Variants in GALNT10 observed in about 807,000 individuals in gnomAD.
GALNT10 encodes GalNAc transferase 10.
Under a neutral mutation model 75.0 loss-of-function variants are expected in GALNT10, and 41 were observed. The ratio of observed to expected loss-of-function variants is 0.55; its 90% CI spans 0.43 to 0.71. GALNT10 has a LOEUF of 0.71. Ranked by LOEUF, GALNT10 falls within the 30% of genes least tolerant of loss-of-function variation. The probability of loss-of-function intolerance (pLI) is 0.00; values close to 1 mark genes in which losing one functional copy is unlikely to be tolerated. For missense variants in GALNT10, 727 were observed against 818.5 expected, an observed-to-expected ratio of 0.89 and a Z score of 1.36; for synonymous variants, 302 against 313.0, an observed-to-expected ratio of 0.96 and a Z score of 0.37.
intron 3 of GALNT10, among the ~76,000 whole-genome samples, chr5:154,302,081 C>A (rs1035085242): frequency 6.6e-6 from 1 of 152,214 alleles, no homozygotes; most frequent in African/African-American, 2.4e-5. Flanking sequence ...ATCTTTCCTG[C>A]AGTTTGACAG....
At chr5:154,265,229 G>T (rs1381210707) in intron 1 of GALNT10, among the ~76,000 whole-genome samples, 2 of 152,116 alleles carry the variant, frequency 1.3e-5, no homozygotes, top group Non-Finnish European at 2.9e-5. Flanking sequence ...CAATCAGCAG[G>T]GTGTCATGCA....
intron 1 of GALNT10, among the ~76,000 whole-genome samples, chr5:154,266,129 T>C (rs1392761912): frequency 6.6e-6 from 1 of 152,204 alleles, no homozygotes; most frequent in African/African-American, 2.4e-5. Flanking sequence ...AGTAGGAAAC[T>C]GGAAGCAAGT....
At chr5:154,345,293 C>CT (rs58722431) in intron 4 of GALNT10, among the ~76,000 whole-genome samples, 1,872 of 152,252 alleles carry the variant, frequency 0.012, 32 homozygotes, top group African/African-American at 0.042. Flanking sequence ...CCATAGCTAC[C>CT]TTTTTTGTAG....
At chr5:154,194,947 A>G (rs1774912996) in intron 1 of GALNT10, among the ~76,000 whole-genome samples, 1 of 152,212 alleles carries the variant, frequency 6.6e-6, no homozygotes, top group South Asian at 2.1e-4. Flanking sequence ...GTGATAGTAT[A>G]TTTAAACAGG....
At chr5:154,293,611 A>ATTTTTTTTTTTTTTTT (rs912343114) in intron 1 of GALNT10, among the ~76,000 whole-genome samples, 2 of 96,704 alleles carry the variant, frequency 2.1e-5, no homozygotes, top group Non-Finnish European at 4.6e-5. Context: ...ATATATATAT[A>ATTTTTTTTTTTTTTTT]TATTTTTTTT....
At position 154,416,441 on chromosome 5, in the gene GALNT10, T is replaced by A. The variant is rs912943305; in HGVS notation, c.1654-373T>A. 9.3e-5 allele frequency among the ~76,000 whole-genome samples: 12 copies of A among 129,594 alleles called. No homozygotes were observed. The highest frequency in any genetic ancestry group is 4.6e-4 in the East Asian group (2 of 4,312). The allele number at this position is 129,594 out of a possible 152,430, so 85.0% of individuals were successfully genotyped here. Reference sequence around the variant, plus strand: ...GAGTGAGAACCTGTCTCAAAAAAATTAAAAAAATTAAAAAAATAAAAGATA... The same window carrying A: ...GAGTGAGAACCTGTCTCAAAAAAATAAAAAAAATTAAAAAAATAAAAGATA... On this transcript the variant is annotated intron_variant, in intron 11 of 11. Coordinates refer to ENST00000297107, the MANE Select transcript of GALNT10 (RefSeq NM_198321.4). This position sits in a 1 kb window ranked among gnomAD's most constrained non-coding sequence, Gnocchi z 4.5.
At chr5:154,290,970 G>A (rs971265052) in intron 1 of GALNT10, among the ~76,000 whole-genome samples, 2 of 152,306 alleles carry the variant, frequency 1.3e-5, no homozygotes, top group South Asian at 4.1e-4. Context: ...AGGCTCCAAA[G>A]TCCTCCTGGT....
intron 4 of GALNT10, among the ~76,000 whole-genome samples, chr5:154,345,941 C>T (rs6890586): frequency 0.018 from 2,550 of 142,136 alleles, 74 homozygotes; most frequent in African/African-American, 0.064. Context: ...CCACCACACC[C>T]GCCTAATTTT....
At chr5:154,198,119 G>A (rs1774973216) in intron 1 of GALNT10, among the ~76,000 whole-genome samples, 1 of 152,178 alleles carries the variant, frequency 6.6e-6, no homozygotes, top group South Asian at 2.1e-4. Context: ...CTCTACCTCA[G>A]CCTCCTCCTG....
chr5:154,218,038 C>T (rs1312165911), intron 1 of GALNT10: 3 of 985,082 alleles, frequency 3.0e-6, no homozygotes, highest in African/African-American at 3.5e-5. Context: ...GCTCGCTTCC[C>T]CACCCCAGCC....
intron 1 of GALNT10, among the ~76,000 whole-genome samples, chr5:154,281,870 C>T (rs1754043327): frequency 6.6e-6 from 1 of 152,136 alleles, no homozygotes; most frequent in Admixed American, 6.5e-5. Context: ...ACCTCGTGGT[C>T]CATCATGGTG....
At chr5:154,195,791 C>T (rs1345534488) in intron 1 of GALNT10, among the ~76,000 whole-genome samples, 1 of 152,176 alleles carries the variant, frequency 6.6e-6, no homozygotes, top group Non-Finnish European at 1.5e-5. Context: ...CTTTCAGGAG[C>T]CAAGATTATC....
At chr5:154,390,781 T>TGTTTTCAAAGACC (rs1374486693) in intron 7 of GALNT10, among the ~76,000 whole-genome samples, 4 of 152,210 alleles carry the variant, frequency 2.6e-5, no homozygotes, top group Non-Finnish European at 5.9e-5. Context: ...CAAAATGATT[T>TGTTTTCAAAGACC]CATTCTATGT....
intron 1 of GALNT10, among the ~76,000 whole-genome samples, chr5:154,246,055 G>A (rs1451820160): frequency 7.3e-5 from 11 of 151,346 alleles, no homozygotes; most frequent in Non-Finnish European, 1.6e-4. Flanking sequence ...GACAACATGC[G>A]GTGTTTTTTT....
At chr5:154,415,735 GA>G in intron 10 of GALNT10, 47 bp from the exon 11 acceptor site, 1 of 1,535,906 alleles carries the variant, frequency 6.5e-7, no homozygotes, top group Non-Finnish European at 8.8e-7. Flanking sequence ...GAGAAAAAAA[GA>G]AAGTCCTTGG....
intron 1 of GALNT10, among the ~76,000 whole-genome samples, chr5:154,251,942 G>A (rs187931422): frequency 9.4e-6 from 1 of 106,220 alleles, no homozygotes; most frequent in African/African-American, 3.0e-5. Flanking sequence ...AAAATACCCT[G>A]TGAGTTCATA....
chr5:154,389,905 A>C (rs1304654860), intron 7 of GALNT10, among the ~76,000 whole-genome samples: 1 of 152,138 alleles, frequency 6.6e-6, no homozygotes, highest in Non-Finnish European at 1.5e-5. Flanking sequence ...TGTATTAAAT[A>C]CAAAAAAAAG....
intron 6 of GALNT10, among the ~76,000 whole-genome samples, chr5:154,382,023 C>T (rs143213519): frequency 2.1e-4 from 32 of 152,310 alleles, no homozygotes; most frequent in Admixed American, 4.6e-4. Flanking sequence ...CAGACACTGC[C>T]ATAACTGGGG....
At chr5:154,350,012 G>A (rs1022881520) in intron 4 of GALNT10, among the ~76,000 whole-genome samples, 2 of 152,194 alleles carry the variant, frequency 1.3e-5, no homozygotes, top group African/African-American at 2.4e-5. Flanking sequence ...CTCAATAGCC[G>A]TATGTAACTG....
Sources: gnomAD v4.1 joint callset for allele counts (sites outside exome capture counted in the v4.1 genomes callset) on GRCh38, gnomAD v4.1.1 for gene constraint, Gnocchi (gnomAD v3.1) non-coding constraint, MANE v1.5 for transcripts, NCBI Gene and HGNC (gene_info 2026-07-23, HGNC 2026-07-21) for gene names.